Variants in ANK3 observed in about 807,000 individuals in gnomAD.
The protein encoded by ANK3 is ankyrin 3, also known as ankyrin-3.
In ANK3, 57 loss-of-function variants were observed where a neutral mutation model predicts 370.9. The ratio of observed to expected loss-of-function variants is 0.15; its 90% CI spans 0.12 to 0.19. The LOEUF (loss-of-function observed/expected upper bound fraction) is 0.19, where lower values mean the gene tolerates loss of function less well. ANK3 is among the 10% of genes least tolerant of loss of function. ANK3 has a pLI of 1.00. For synonymous variants in ANK3, 1,929 were observed against 1,946.3 expected, an observed-to-expected ratio of 0.99 and a Z score of 0.23; for missense variants, 4,439 against 5,302.1, an observed-to-expected ratio of 0.84 and a Z score of 5.06.
chr10:60,538,620 A>G (rs565299645), intron 2 of ANK3, among the ~76,000 whole-genome samples: 5 of 152,018 alleles, frequency 3.3e-5, no homozygotes, highest in Admixed American at 1.3e-4. Context: ...TCCACTCGAC[A>G]CTAGGCCAGA....
At chr10:60,537,161 CAA>C (rs2076743653) in intron 2 of ANK3, among the ~76,000 whole-genome samples, 1 of 151,930 alleles carries the variant, frequency 6.6e-6, no homozygotes, top group South Asian at 2.1e-4. Context: ...TTCAATTAAA[CAA>C]AAGTTTTCTT....
At chr10:60,247,379 TACGTA>T (rs1388456846) in intron 7 of ANK3, among the ~76,000 whole-genome samples, 4 of 152,136 alleles carry the variant, frequency 2.6e-5, no homozygotes, top group Non-Finnish European at 4.4e-5. Flanking sequence ...TGGTAAAATA[TACGTA>T]ACATAAAACT....
At chr10:60,661,172 C>A (rs1221467490) in intron 1 of ANK3, among the ~76,000 whole-genome samples, 1 of 145,622 alleles carries the variant, frequency 6.9e-6, no homozygotes, top group Admixed American at 6.9e-5. Context: ...TTTTTTTTTT[C>A]AAACACTGTC....
intron 26 of ANK3, among the ~76,000 whole-genome samples, chr10:60,112,094 G>C (rs1264260287): frequency 6.6e-6 from 1 of 152,300 alleles, no homozygotes; most frequent in East Asian, 1.9e-4. Flanking sequence ...AGGTGAAGGG[G>C]AGATAACTTG....
At chr10:60,362,574 C>A (rs1427198066) in intron 1 of ANK3, among the ~76,000 whole-genome samples, 1 of 152,152 alleles carries the variant, frequency 6.6e-6, no homozygotes, top group Non-Finnish European at 1.5e-5. Context: ...CCCATAGGAT[C>A]TTAATGAATA....
intron 23 of ANK3, among the ~76,000 whole-genome samples, chr10:60,146,709 G>C (rs2094844037): frequency 6.6e-6 from 1 of 152,114 alleles, no homozygotes; most frequent in Admixed American, 6.6e-5. Context: ...GGCTGGTGTT[G>C]AACTCCTGAC....
intron 1 of ANK3, among the ~76,000 whole-genome samples, chr10:60,650,436 G>C (rs2078772924): frequency 6.7e-6 from 1 of 149,524 alleles, no homozygotes; most frequent in African/African-American, 2.5e-5. Flanking sequence ...TGCTGCTAAA[G>C]AAAACTAAGG....
chr10:60,092,903 T>C (rs2088979603), intron 28 of ANK3, among the ~76,000 whole-genome samples: 1 of 152,148 alleles, frequency 6.6e-6, no homozygotes, highest in Non-Finnish European at 1.5e-5. Flanking sequence ...GCCCAGCTAA[T>C]TTTTGTATTT....
intron 36 of ANK3, among the ~76,000 whole-genome samples, chr10:60,077,928 G>C (rs12248442): frequency 6.6e-6 from 1 of 152,164 alleles, no homozygotes; most frequent in Non-Finnish European, 1.5e-5. Context: ...TGGCAATGGA[G>C]CAAGAAACAC....
At chr10:60,172,809 C>G (rs2095828607) in intron 20 of ANK3, 91 bp downstream of exon 20, 1 of 776,360 alleles carries the variant, frequency 1.3e-6, no homozygotes, top group African/African-American at 1.7e-5. Context: ...TATGCCTCTT[C>G]ATGAAAGTAC....
At chr10:60,513,020 CTG>C (rs2076127269) in intron 2 of ANK3, among the ~76,000 whole-genome samples, 2 of 152,126 alleles carry the variant, frequency 1.3e-5, no homozygotes, top group Admixed American at 1.3e-4. Context: ...AAAAACACAG[CTG>C]TGTCTCAATG....
At chr10:60,683,103 G>A (rs2079218556) in intron 1 of ANK3, among the ~76,000 whole-genome samples, 1 of 152,024 alleles carries the variant, frequency 6.6e-6, no homozygotes, top group Non-Finnish European at 1.5e-5. Context: ...GGTATATGAG[G>A]AAAAACCCCC....
chr10:60,437,274 C>T (rs2064182097), intron 2 of ANK3, among the ~76,000 whole-genome samples: 1 of 151,960 alleles, frequency 6.6e-6, no homozygotes, highest in Non-Finnish European at 1.5e-5. Context: ...TTCTGGGTGC[C>T]ACATTTTATG....
At chr10:60,527,582 A>G (rs73265777) in intron 2 of ANK3, among the ~76,000 whole-genome samples, 4,253 of 152,246 alleles carry the variant, frequency 0.028, 198 homozygotes, top group African/African-American at 0.097. Context: ...TTGCCTTTCC[A>G]TAATTCAAAG....
chr10:60,720,497 G>A (rs929455504), intron 1 of ANK3, among the ~76,000 whole-genome samples: 10 of 152,144 alleles, frequency 6.6e-5, no homozygotes, highest in African/African-American at 2.4e-4. Context: ...GTAATTGTAG[G>A]TTTTGCAATT....
chr10:60,114,952 T>C (rs2092982209), intron 25 of ANK3, among the ~76,000 whole-genome samples: 1 of 152,194 alleles, frequency 6.6e-6, no homozygotes, highest in Non-Finnish European at 1.5e-5. Flanking sequence ...TTTGTACTTT[T>C]AACCTACAGG....
At chr10:60,511,213 A>G (rs915860059) in intron 2 of ANK3, among the ~76,000 whole-genome samples, 16 of 152,166 alleles carry the variant, frequency 1.1e-4, no homozygotes, top group African/African-American at 3.4e-4. Context: ...ATCCTTATTT[A>G]TCTCCTTTCT....
At chr10:60,406,317 A>G (rs1190733424) in intron 2 of ANK3, among the ~76,000 whole-genome samples, 2 of 151,884 alleles carry the variant, frequency 1.3e-5, no homozygotes, top group East Asian at 3.9e-4. Context: ...TAGTTTGCTG[A>G]CCCCTAGATC....
intron 1 of ANK3, among the ~76,000 whole-genome samples, chr10:60,305,059 T>G (rs999403023): frequency 6.6e-6 from 1 of 152,082 alleles, no homozygotes; most frequent in African/African-American, 2.4e-5. Flanking sequence ...AAGGGAAGAA[T>G]TGCCATGAGT....
Sources: allele counts gnomAD v4.1 joint callset (sites outside exome capture counted in the v4.1 genomes callset), GRCh38; gene constraint gnomAD v4.1.1; transcripts MANE v1.5; gene names NCBI Gene and HGNC (gene_info 2026-07-23, HGNC 2026-07-21).